LRP1: variants seen among roughly 807,000 people sequenced by gnomAD.
LRP1 encodes prolow-density lipoprotein receptor-related protein 1.
In LRP1, 51 loss-of-function variants were observed where a neutral mutation model predicts 541.5. The ratio of observed to expected loss-of-function variants is 0.09; its 90% CI spans 0.08 to 0.12. The LOEUF (loss-of-function observed/expected upper bound fraction) is 0.12. Among genes scored for constraint, LRP1 ranks in the 10% least tolerant of loss-of-function variants. The pLI, the probability that LRP1 is intolerant of heterozygous loss-of-function variation, is 1.00. For missense variants in LRP1, 3,878 were observed against 6,376.2 expected, an observed-to-expected ratio of 0.61 and a Z score of 13.34; for synonymous variants, 2,219 against 2,470.8, an observed-to-expected ratio of 0.90 and a Z score of 3.02.
In LRP1 at chr12:57,212,187, A is replaced by G; in HGVS notation, c.13420A>G (p.Lys4474Glu). 1 of 1,613,994 alleles carries G rather than the reference A, an allele frequency of 6.2e-7. No individual in the cohort carries two copies. Among genetic ancestry groups the G allele is most frequent in the Non-Finnish European group, 8.5e-7 (1 of 1,180,020 alleles). The stretch of plus-strand genomic sequence containing the variant: ...CGTGGAGATTGGAAACCCCACCTAC[A>G]AGATGTACGAAGGCGGAGAGCCTGA... ...MNVEIGNPTY[K>E]MYEGGEPDDV... Residue 4474 changes from lysine (K) to glutamate (E), a missense_variant, in exon 88 of 89, where the codon AAG (lysine) becomes GAG (glutamate). Lys to Glu is a moderately conservative substitution (Grantham distance 56, BLOSUM62 1). Coordinates refer to ENST00000243077, the MANE Select transcript of LRP1 (RefSeq NM_002332.3). The surrounding 1 kb of genome is among the most constrained non-coding windows in gnomAD (Gnocchi z 5.0).
chr12:57,141,800 G>A (rs1038372341), intron 3 of LRP1, among the ~76,000 whole-genome samples: 2 of 152,246 alleles, frequency 1.3e-5, no homozygotes, highest in African/African-American at 4.8e-5. Flanking sequence ...TCTGTAAGAT[G>A]AGAGATCAGT....
rs2036086627 is a variant in LRP1, at chr12:57,178,067, T to A, written c.4362-292T>A. ...GGGGTTCACGCTGAGGGTGCCTTTT[T>A]CTGACTTTCATCAAAGCCCTGAGTG... On this transcript the variant is annotated intron_variant, in intron 26 of 88. Coordinates refer to ENST00000243077, the MANE Select transcript of LRP1 (RefSeq NM_002332.3). The surrounding 1 kb of genome is among the most constrained non-coding windows in gnomAD (Gnocchi z 5.8). Among the ~76,000 whole-genome samples, 1 of 151,980 alleles carries A rather than the reference T, an allele frequency of 6.6e-6. No individual in the cohort carries two copies.
chr12:57,161,820 CA>C (rs2035740061), intron 13 of LRP1, among the ~76,000 whole-genome samples: 1 of 152,180 alleles, frequency 6.6e-6, no homozygotes, highest in Non-Finnish European at 1.5e-5. Flanking sequence ...CACACTGGAT[CA>C]CCCGTATGTG....
At chr12:57,153,327 G>C (rs1252517385) in intron 6 of LRP1, among the ~76,000 whole-genome samples, 3 of 152,196 alleles carry the variant, frequency 2.0e-5, no homozygotes, top group Non-Finnish European at 4.4e-5. Context: ...CCCTTGCCCT[G>C]CCTCTCTTTC....
intron 51 of LRP1, 35 bp from the exon 52 acceptor site, chr12:57,195,236 C>T (rs865848750): frequency 6.2e-7 from 1 of 1,609,738 alleles, no homozygotes; most frequent in Middle Eastern, 1.7e-4. Context: ...TCTACCCGCT[C>T]CTAAGTCTCT....
intron 2 of LRP1, among the ~76,000 whole-genome samples, chr12:57,140,639 G>A (rs1420796611): frequency 1.3e-5 from 2 of 152,222 alleles, no homozygotes; most frequent in African/African-American, 2.4e-5. Flanking sequence ...TTGGCCCTGG[G>A]TTCTGCAACC....
rs143261538 is a variant in LRP1 at position 57,199,119 on chromosome 12, C to T, written c.9677-93C>T. On this transcript the variant is annotated intron_variant, in intron 60 of 88. Transcript: ENST00000243077. ...GTAACTGGGGCTGACACCCACCTCT[C>T]AGGGTGGTGGTAGGGCTTGAGGAGG... 3.4e-6 allele frequency: 4 copies of T among 1,182,626 alleles called. No homozygotes were observed. In the East Asian group the frequency reaches 9.4e-5, roughly 28 times the overall value. 73.3% of individuals were successfully genotyped at this position (1,182,626 alleles called of 1,614,324 possible).
chr12:57,145,552 C>CT, intron 6 of LRP1, 62 bp downstream of exon 6: 1 of 1,580,854 alleles, frequency 6.3e-7, no homozygotes, highest in Non-Finnish European at 8.6e-7. Flanking sequence ...GAAGGTGGAC[C>CT]CTATCTTGAA....
intron 1 of LRP1, among the ~76,000 whole-genome samples, chr12:57,134,768 G>A (rs1332741729): frequency 1.3e-5 from 2 of 151,776 alleles, no homozygotes; most frequent in Non-Finnish European, 2.9e-5. Context: ...GCAGTGGCGC[G>A]ATCTCAGTTC....
In LRP1 at chr12:57,185,356, G is replaced by A; in HGVS notation, c.6463+151G>A. ...GCCCGAGAGACCCAGGGATGGGGAG[G>A]AAAGGCTGAGGTGCTCTGGGACAGA... On this transcript the variant is annotated intron_variant, in intron 40 of 88. Transcript: ENST00000243077. This position sits in a 1 kb window ranked among gnomAD's most constrained non-coding sequence, Gnocchi z 4.9. 2 of 1,372,218 alleles carry A rather than the reference G, an allele frequency of 1.5e-6. No homozygotes were observed. The highest frequency in any genetic ancestry group is 1.4e-5 in the African/African-American group (1 of 69,224). 85.0% of individuals were successfully genotyped at this position (1,372,218 alleles called of 1,614,324 possible).
In LRP1 at chr12:57,167,463, C is replaced by T. The variant is rs149857225; in HGVS notation, c.2934C>T (p.Pro978=). The change falls in exon 19 of 89, where the codon CCC becomes CCT. Residue 978 remains proline (P), a synonymous_variant. Coordinates refer to ENST00000243077, the MANE Select transcript of LRP1 (RefSeq NM_002332.3). The part of the protein sequence containing the change: ...SASCAYPTCF[P]LTQFTCNNGR... ...TCACAGCCTATCCCACCTGCTTCCC[C>T]CTGACTCAGTTTACCTGCAACAATG... is the stretch of plus-strand genomic sequence containing the variant. 130 of 1,614,112 alleles carry T rather than the reference C, an allele frequency of 8.1e-5. No homozygotes were observed. In the African/African-American group the frequency reaches 1.5e-3, roughly 18 times the overall value.
At chr12:57,191,832 C>CACACCACACAGG (rs2036392814) in intron 44 of LRP1, among the ~76,000 whole-genome samples, 1 of 90,426 alleles carries the variant, frequency 1.1e-5, no homozygotes, top group Non-Finnish European at 2.2e-5. Flanking sequence ...CCACACCACA[C>CACACCACACAGG]ACATACCACA....
chr12:57,212,874 T>C lies in LRP1; in HGVS notation c.*319T>C. 3.6e-6 allele frequency: 1 copy of C among 277,266 alleles called. No homozygotes were observed. The highest frequency in any genetic ancestry group is 6.8e-6 in the Non-Finnish European group (1 of 146,868). The allele number at this position is 277,266 out of a possible 1,614,324, so 17.2% of individuals were successfully genotyped here. A position where few individuals can be genotyped will look rare whatever the true frequency, so the allele number is the denominator to read the frequency against. ...GCTGGTGGTGCAGCCTTCCCCTCCC[T>C]GTATAAGACACTTTGCCAAGGCTCT... On this transcript the variant is annotated 3_prime_UTR_variant, in exon 89 of 89. Transcript: ENST00000243077. This position sits in a 1 kb window ranked among gnomAD's most constrained non-coding sequence, Gnocchi z 5.0.
chr12:57,179,475 G>A lies in LRP1; in HGVS notation c.4885G>A (p.Val1629Met). The change falls in exon 29 of 89, where the codon GTG (valine) becomes ATG (methionine). Residue 1629 changes from valine (V) to methionine (M), a missense_variant. Physicochemically the swap from Val to Met is conservative, Grantham distance 21. Coordinates refer to ENST00000243077, the MANE Select transcript of LRP1 (RefSeq NM_002332.3). This position sits in a 1 kb window ranked among gnomAD's most constrained non-coding sequence, Gnocchi z 6.8. The stretch of plus-strand genomic sequence containing the variant: ...AGACTACGATGCCCGCGAGCAGCGT[G>A]TGTACTGGTCTGACGTGCGGACACA... ...VLDYDAREQR[V>M]YWSDVRTQAI... The A allele has an allele frequency of 1.2e-6, 2 of 1,614,248 alleles. No homozygotes were observed. The highest frequency in any genetic ancestry group is 1.7e-6 in the Non-Finnish European group (2 of 1,180,042).
At position 57,177,640 on chromosome 12, in the gene LRP1, CG is replaced by C. The variant is rs2036074556; in HGVS notation, c.4361+53del. The C allele has an allele frequency of 6.3e-7, 1 of 1,599,728 alleles. No homozygotes were observed. The highest frequency in any genetic ancestry group is 1.7e-5 in the Admixed American group (1 of 58,548). On this transcript the variant is annotated intron_variant, in intron 26 of 88. Coordinates refer to ENST00000243077, the MANE Select transcript of LRP1 (RefSeq NM_002332.3). The surrounding 1 kb of genome is among the most constrained non-coding windows in gnomAD (Gnocchi z 6.8). ...AAGGCCCAAGTCTGTGGCACCAGGA[CG>C]GGGTGGGGAGGAACCTGTGGTGATG...
intron 3 of LRP1, among the ~76,000 whole-genome samples, chr12:57,143,330 A>C (rs903008557): frequency 2.8e-4 from 43 of 151,370 alleles, no homozygotes; most frequent in African/African-American, 1.0e-3. Flanking sequence ...TGTAGATGAG[A>C]GGCATATCAA....
At position 57,183,996 on chromosome 12, in the gene LRP1, A is replaced by T; in HGVS notation, c.5929+87A>T. ...AGGAGGAGTTGGCGGGAGCAGGAAG[A>T]GGAGCTGTAGGGGTGCCTGGGAGCT... On this transcript the variant is annotated intron_variant, in intron 36 of 88. Coordinates refer to ENST00000243077, the MANE Select transcript of LRP1 (RefSeq NM_002332.3). This position sits in a 1 kb window ranked among gnomAD's most constrained non-coding sequence, Gnocchi z 6.1. 1.9e-6 allele frequency: 3 copies of T among 1,603,238 alleles called. No homozygotes were observed. The highest frequency in any genetic ancestry group is 2.6e-6 in the Non-Finnish European group (3 of 1,173,354).
chr12:57,199,581 G>A (rs1052044006), intron 61 of LRP1, among the ~76,000 whole-genome samples, 181 bp downstream of exon 61: 5 of 152,172 alleles, frequency 3.3e-5, no homozygotes, highest in Non-Finnish European at 7.4e-5. Flanking sequence ...CCTGGATCCA[G>A]CCCTGGAGTC....
chr12:57,149,232 A>G, intron 6 of LRP1: 1 of 439,646 alleles, frequency 2.3e-6, no homozygotes, highest in Non-Finnish European at 4.0e-6. Flanking sequence ...ATGGGATGCC[A>G]GGCTGTTTGG....
Sources: gnomAD v4.1 joint callset for allele counts (sites outside exome capture counted in the v4.1 genomes callset) on GRCh38, gnomAD v4.1.1 for gene constraint, Gnocchi (gnomAD v3.1) non-coding constraint, MANE v1.5 for transcripts, NCBI Gene and HGNC (gene_info 2026-07-23, HGNC 2026-07-21) for gene names.